Variants in CHEK1 observed in about 807,000 individuals in gnomAD.
CHEK1 encodes the protein serine/threonine-protein kinase Chk1.
In CHEK1, 32 loss-of-function variants were observed where a neutral mutation model predicts 60.2. That is an observed-to-expected ratio of 0.53 (90% CI 0.40 to 0.71). The LOEUF (loss-of-function observed/expected upper bound fraction) is 0.71, where lower values mean the gene tolerates loss of function less well. Ranked by LOEUF, CHEK1 falls within the 30% of genes least tolerant of loss-of-function variation. CHEK1 has a pLI of 0.00. For synonymous variants in CHEK1, 179 were observed against 187.2 expected (o/e 0.96, Z 0.36); for missense variants, 399 against 564.6 (o/e 0.71, Z 2.97).
downstream of CHEK1, among the ~76,000 whole-genome samples, chr11:125,680,134 A>C (rs1334393768): frequency 2.6e-5 from 4 of 152,208 alleles, no homozygotes; most frequent in Non-Finnish European, 2.9e-5. Context: ...ACATTATAGA[A>C]AATACATTGT....
intron 11 of CHEK1, among the ~76,000 whole-genome samples, chr11:125,652,579 G>A (rs1319782309): frequency 2.6e-5 from 4 of 152,146 alleles, no homozygotes; most frequent in Non-Finnish European, 5.9e-5. Flanking sequence ...CTGCACCCCT[G>A]TTGATAGATT....
At chr11:125,669,167 GGTTT>G (rs1486508445) in intron 13 of CHEK1, among the ~76,000 whole-genome samples, 1 of 152,012 alleles carries the variant, frequency 6.6e-6, no homozygotes, top group South Asian at 2.1e-4. Context: ...TGTAGGTCAG[GGTTT>G]CCACGTGGTA....
downstream of CHEK1, among the ~76,000 whole-genome samples, chr11:125,660,976 A>G (rs1167287481): frequency 6.6e-6 from 1 of 152,014 alleles, no homozygotes; most frequent in Non-Finnish European, 1.5e-5. Context: ...GGGTTTCTCC[A>G]TGTTGGTCAG....
chr11:125,674,908 A>C (rs534125749), intron 13 of CHEK1, among the ~76,000 whole-genome samples: 1 of 152,322 alleles, frequency 6.6e-6, no homozygotes, highest in Admixed American at 6.5e-5. Context: ...GTCTCTGCTC[A>C]CCATCCTCAA....
At chr11:125,668,456 TTTTG>T (rs1392564153) in intron 13 of CHEK1, among the ~76,000 whole-genome samples, 1 of 152,200 alleles carries the variant, frequency 6.6e-6, no homozygotes, top group Non-Finnish European at 1.5e-5. Context: ...TTGCCATTTT[TTTTG>T]TTTAACATTT....
At chr11:125,668,145 C>T (rs966718317) in intron 13 of CHEK1, among the ~76,000 whole-genome samples, 4 of 152,094 alleles carry the variant, frequency 2.6e-5, no homozygotes, top group African/African-American at 9.7e-5. Flanking sequence ...GTTCAAGGTC[C>T]GCATTCAAAT....
intron 13 of CHEK1, among the ~76,000 whole-genome samples, chr11:125,673,542 G>T (rs575478572): frequency 3.9e-5 from 6 of 152,160 alleles, no homozygotes; most frequent in African/African-American, 1.2e-4. Flanking sequence ...TTCTGACAAG[G>T]TCTTCCCCAC....
chr11:125,626,044 G>T, intron 1 of CHEK1, 32 bp downstream of exon 1: 1 of 690,922 alleles, frequency 1.4e-6, no homozygotes. Flanking sequence ...AGTAGGGAAG[G>T]TTTCTAAAGA....
intron 11 of CHEK1, among the ~76,000 whole-genome samples, chr11:125,644,906 G>A (rs1941442752): frequency 6.6e-6 from 1 of 152,036 alleles, no homozygotes; most frequent in South Asian, 2.1e-4. Context: ...TTCTCGGGAG[G>A]CTGAGGCACG....
intron 13 of CHEK1, among the ~76,000 whole-genome samples, chr11:125,663,814 T>C (rs1942055829): frequency 6.6e-6 from 1 of 152,228 alleles, no homozygotes. Context: ...TTTAAGTCTT[T>C]AATCCATCTT....
Position 125,670,280 on chromosome 11 carries a change from C to A in CHEK1, c.*28-5648C>A, listed in dbSNP as rs184411152. Among the ~76,000 whole-genome samples, 408 of 152,202 alleles carry A rather than the reference C, an allele frequency of 2.7e-3. 1 individual carries two copies. The highest frequency in any genetic ancestry group is 8.9e-3 in the African/African-American group (368 of 41,518). On this transcript the variant is annotated intron_variant, in intron 13 of 13. Coordinates refer to the CHEK1 transcript ENST00000428830. ...ACATTCTTGAATGTATCTTTAATAG[C>A]TGTTTATTGCCTTTGTTCACTTTGT... is the stretch of plus-strand genomic sequence containing the variant.
At chr11:125,633,099 C>T (rs2135989344) in intron 5 of CHEK1, 64 bp from the exon 6 acceptor site, 1 of 1,417,034 alleles carries the variant, frequency 7.1e-7, no homozygotes, top group South Asian at 1.4e-5. Context: ...AAACTTAATT[C>T]CTGTAAGTAT....
chr11:125,637,409 A>G, intron 7 of CHEK1, 40 bp from the exon 8 acceptor site: 4 of 1,546,052 alleles, frequency 2.6e-6, no homozygotes, highest in Non-Finnish European at 2.6e-6. Flanking sequence ...CTTCTCTAAC[A>G]TGATTCTTTC....
downstream of CHEK1, among the ~76,000 whole-genome samples, chr11:125,657,718 T>G (rs1359788950): frequency 2.0e-5 from 3 of 152,360 alleles, no homozygotes; most frequent in African/African-American, 7.2e-5. Flanking sequence ...AACATCCCAC[T>G]AACTATTCTG....
At chr11:125,680,876 G>T (rs1942767659), downstream of CHEK1, 1 of 988,846 alleles carries the variant, frequency 1.0e-6, no homozygotes, top group African/African-American at 1.6e-5. Flanking sequence ...TGCTGAAGCA[G>T]AGCTTCTGGG....
intron 13 of CHEK1, among the ~76,000 whole-genome samples, chr11:125,673,881 G>A (rs914980961): frequency 4.3e-4 from 66 of 152,016 alleles, no homozygotes; most frequent in African/African-American, 1.2e-3. Context: ...ACATTTGGCC[G>A]GGCACAGTGG....
Position 125,625,502 on chromosome 11 carries a change from G to A in CHEK1, c.-531G>A, listed in dbSNP as rs947566452. 1.9e-4 allele frequency: 85 copies of A among 450,918 alleles called. No homozygotes were observed. Among genetic ancestry groups the A allele is most frequent in the African/African-American group, 1.5e-3 (79 of 51,338 alleles). 27.9% of individuals were successfully genotyped at this position (450,918 alleles called of 1,614,324 possible). A position where few individuals can be genotyped will look rare whatever the true frequency, so the allele number is the denominator to read the frequency against. On this transcript the variant is annotated 5_prime_UTR_variant, in exon 1 of 13. Coordinates refer to ENST00000438015, the MANE Select transcript of CHEK1 (RefSeq NM_001114122.3). ...CAGCACCACGAGTACCGCACTCTGA[G>A]GTTTACAAAGCACTCTGCTTCACCG...
chr11:125,643,639 T>C, intron 8 of CHEK1, 153 bp from the exon 9 acceptor site: 2 of 584,416 alleles, frequency 3.4e-6, no homozygotes, highest in African/African-American at 1.9e-5. Flanking sequence ...TATAAAATCA[T>C]ATAGGAAGAC....
chr11:125,670,068 T>C (rs1472025470), intron 13 of CHEK1, among the ~76,000 whole-genome samples: 16 of 152,232 alleles, frequency 1.1e-4, no homozygotes, highest in Admixed American at 1.0e-3. Context: ...ATAATTACTA[T>C]TGATCTGTCT....
Sources: allele counts gnomAD v4.1 joint callset (sites outside exome capture counted in the v4.1 genomes callset), GRCh38; gene constraint gnomAD v4.1.1; transcripts MANE v1.5; gene names NCBI Gene and HGNC (gene_info 2026-07-23, HGNC 2026-07-21).